RANBP17: variants seen among roughly 807,000 people sequenced by gnomAD.
RANBP17 encodes ran-binding protein 17.
Under a neutral mutation model 141.2 loss-of-function variants are expected in RANBP17, and 158 were observed. The ratio of observed to expected loss-of-function variants is 1.12; its 90% CI spans 0.98 to 1.28. The LOEUF (loss-of-function observed/expected upper bound fraction) is 1.28, where lower values mean the gene tolerates loss of function less well. Ranked by LOEUF, RANBP17 falls within the 50% of genes most tolerant of loss-of-function variation. The pLI is 0.00. For synonymous variants in RANBP17, 430 were observed against 450.0 expected, an observed-to-expected ratio of 0.96 and a Z score of 0.56; for missense variants, 1,438 against 1,290.7, an observed-to-expected ratio of 1.11 and a Z score of -1.75.
chr5:170,957,522 A>AT (rs749394935), intron 13 of RANBP17, among the ~76,000 whole-genome samples: 14 of 152,244 alleles, frequency 9.2e-5, no homozygotes, highest in Middle Eastern at 3.4e-3. Context: ...GGATGAAAAA[A>AT]TTTGAGTTTT....
At chr5:170,958,045 T>C (rs1205729504) in intron 13 of RANBP17, among the ~76,000 whole-genome samples, 1 of 151,152 alleles carries the variant, frequency 6.6e-6, no homozygotes, top group Non-Finnish European at 1.5e-5. Context: ...GGTGGTGTAT[T>C]ACTGAGAAAA....
intron 14 of RANBP17, among the ~76,000 whole-genome samples, chr5:171,057,779 G>A (rs1224564497): frequency 6.6e-6 from 1 of 152,124 alleles, no homozygotes; most frequent in Non-Finnish European, 1.5e-5. Context: ...GGGAGTGCAA[G>A]CAGGGGTAAT....
At chr5:171,290,301 G>A (rs1473809606) in intron 25 of RANBP17, among the ~76,000 whole-genome samples, 1 of 151,962 alleles carries the variant, frequency 6.6e-6, no homozygotes, top group Non-Finnish European at 1.5e-5. Flanking sequence ...CCCGGGAGGC[G>A]GAGGTGCAGT....
In RANBP17 at chr5:171,186,526, C is replaced by CTTTTTTTTTTTTTTTTTTT. The variant is rs757585137; in HGVS notation, c.2038+3106_2038+3124dup. 2.6e-4 allele frequency among the ~76,000 whole-genome samples: 11 copies of CTTTTTTTTTTTTTTTTTTT among 41,664 alleles called. 4 individuals are homozygous for CTTTTTTTTTTTTTTTTTTT. Among genetic ancestry groups the CTTTTTTTTTTTTTTTTTTT allele is most frequent in the Admixed American group, 8.8e-4 (2 of 2,260 alleles). 27.3% of individuals were successfully genotyped at this position (41,664 alleles called of 152,430 possible). On this transcript the variant is annotated intron_variant, in intron 18 of 27. Transcript: ENST00000523189. ...GAAATGTTATCACTGGTATGATTTT[C>CTTTTTTTTTTTTTTTTTTT]TTTTTTTTTTTTTTTTTTTTTTTTT... is the stretch of plus-strand genomic sequence containing the variant.
chr5:170,934,497 C>T (rs1471576745), intron 12 of RANBP17, among the ~76,000 whole-genome samples: 1 of 152,074 alleles, frequency 6.6e-6, no homozygotes, highest in African/African-American at 2.4e-5. Context: ...TAAGGCAGGC[C>T]TGGTGGTGAC....
At chr5:171,056,806 G>C (rs567280812) in intron 14 of RANBP17, among the ~76,000 whole-genome samples, 19 of 78,674 alleles carry the variant, frequency 2.4e-4, no homozygotes, top group Middle Eastern at 0.02. Context: ...CATTGATTTA[G>C]CCAAATTATA....
chr5:170,939,967 A>G lies in RANBP17; in HGVS notation c.1469-13630A>G, dbSNP rs185261700. On this transcript the variant is annotated intron_variant, in intron 12 of 27. Transcript: ENST00000523189. ...TGAAATAGAAAAATAAGCAAATTCA[A>G]TTTTTTTAAAAGCCAAGAAAGGAAA... 4.8e-3 allele frequency among the ~76,000 whole-genome samples: 724 copies of G among 152,258 alleles called. 4 individuals carry two copies. Among genetic ancestry groups the G allele is most frequent in the African/African-American group, 0.017 (700 of 41,550 alleles).
intron 18 of RANBP17, among the ~76,000 whole-genome samples, chr5:171,195,899 A>G (rs922570551): frequency 3.3e-5 from 5 of 152,228 alleles, no homozygotes; most frequent in African/African-American, 1.2e-4. Flanking sequence ...TAAGAGCCAC[A>G]TAAGTGTTTT....
intron 19 of RANBP17, 52 bp downstream of exon 19, chr5:171,199,825 T>C (rs112178362): frequency 6.2e-6 from 7 of 1,121,966 alleles, no homozygotes; most frequent in African/African-American, 3.1e-5. Context: ...TTCTAGGATA[T>C]CTAGATCCAG....
chr5:170,960,598 C>G (rs1404726552), intron 13 of RANBP17, among the ~76,000 whole-genome samples: 1 of 152,138 alleles, frequency 6.6e-6, no homozygotes, highest in Non-Finnish European at 1.5e-5. Flanking sequence ...TCCACCTATC[C>G]TATCTCCTCT....
At chr5:170,888,364 A>T (rs1561857546) in intron 3 of RANBP17, among the ~76,000 whole-genome samples, 2 of 152,104 alleles carry the variant, frequency 1.3e-5, no homozygotes, top group African/African-American at 2.4e-5. Context: ...GTATTCATTT[A>T]TTTAGATCTT....
chr5:171,267,122 A>G (rs1436164038), intron 25 of RANBP17, among the ~76,000 whole-genome samples: 2 of 143,550 alleles, frequency 1.4e-5, no homozygotes, highest in East Asian at 4.2e-4. Flanking sequence ...TCTGTCTCTC[A>G]AGGTCTCAAG....
At chr5:171,055,566 C>A (rs1486268519) in intron 14 of RANBP17, among the ~76,000 whole-genome samples, 6 of 152,064 alleles carry the variant, frequency 3.9e-5, no homozygotes, top group Non-Finnish European at 8.8e-5. Context: ...AAAGGAATCT[C>A]AAACAAGACT....
chr5:171,042,416 G>C (rs1782311461), intron 14 of RANBP17, among the ~76,000 whole-genome samples: 1 of 152,068 alleles, frequency 6.6e-6, no homozygotes, highest in African/African-American at 2.4e-5. Context: ...GCAGCCAATT[G>C]TTGACCAACA....
intron 14 of RANBP17, among the ~76,000 whole-genome samples, chr5:171,136,141 G>C (rs1447547155): frequency 3.3e-5 from 5 of 152,136 alleles, no homozygotes; most frequent in Non-Finnish European, 1.5e-5. Context: ...AGATCAACCA[G>C]CATCCCAACT....
chr5:171,111,954 G>A (rs896602826), intron 14 of RANBP17, among the ~76,000 whole-genome samples: 1 of 152,108 alleles, frequency 6.6e-6, no homozygotes, highest in South Asian at 2.1e-4. Flanking sequence ...AACACTGAAT[G>A]AAAAAGTAAA....
chr5:171,131,678 A>T (rs1756930018), intron 14 of RANBP17, among the ~76,000 whole-genome samples: 1 of 152,198 alleles, frequency 6.6e-6, no homozygotes, highest in African/African-American at 2.4e-5. Context: ...GATTTATGAT[A>T]CCTGTTTCTG....
chr5:170,958,449 G>A (rs1325525688), intron 13 of RANBP17, among the ~76,000 whole-genome samples: 1 of 152,144 alleles, frequency 6.6e-6, no homozygotes, highest in Non-Finnish European at 1.5e-5. Flanking sequence ...GGGTGTGCAA[G>A]CAGGGCCAAG....
In RANBP17 at chr5:171,239,033, T is replaced by C. The variant is rs151123053; in HGVS notation, c.2423-1895T>C. Reference sequence around the variant, plus strand: ...TTTTATTTTATTCATTTGTTTATACTAACACCTCACACATAGTAGCTGTTA... The same window carrying C: ...TTTTATTTTATTCATTTGTTTATACCAACACCTCACACATAGTAGCTGTTA... On this transcript the variant is annotated intron_variant, in intron 22 of 27. Transcript: ENST00000523189. Among the ~76,000 whole-genome samples the C allele has an allele frequency of 3.8e-3, 573 of 152,336 alleles. 2 individuals carry two copies. Among genetic ancestry groups the C allele is most frequent in the African/African-American group, 0.013 (522 of 41,578 alleles).
Sources: gnomAD v4.1 joint callset for allele counts (sites outside exome capture counted in the v4.1 genomes callset) on GRCh38, gnomAD v4.1.1 for gene constraint, MANE v1.5 for transcripts, NCBI Gene and HGNC (gene_info 2026-07-23, HGNC 2026-07-21) for gene names.